PVT1: variants seen among roughly 807,000 people sequenced by gnomAD.
The protein encoded by PVT1 is CXCR4/PVT1 fusion.
At chr8:127,815,942 A>G (rs1586391260) in intron 2 of PVT1, among the ~76,000 whole-genome samples, 1 of 152,074 alleles carries the variant, frequency 6.6e-6, no homozygotes, top group South Asian at 2.1e-4. Context: ...TGGCCAACAT[A>G]GTGAAACCCC....
chr8:127,899,393 G>A (rs1006458815), intron 3 of PVT1, among the ~76,000 whole-genome samples: 5 of 152,208 alleles, frequency 3.3e-5, no homozygotes, highest in Non-Finnish European at 5.9e-5. Flanking sequence ...AAATTTGGAA[G>A]TCAGACTGAC....
intron 4 of PVT1, among the ~76,000 whole-genome samples, chr8:128,034,526 G>A (rs1169162727): frequency 6.6e-6 from 1 of 152,234 alleles, no homozygotes; most frequent in African/African-American, 2.4e-5. Flanking sequence ...ATTTGAAGGG[G>A]ATGACTGTGG....
intron 2 of PVT1, among the ~76,000 whole-genome samples, chr8:127,869,925 G>T (rs28674135): frequency 2.0e-5 from 3 of 151,958 alleles, no homozygotes; most frequent in Non-Finnish European, 4.4e-5. Context: ...TGCCTCAGCC[G>T]TCCGAGTAGC....
chr8:127,954,986 T>C (rs1816552132), intron 3 of PVT1, among the ~76,000 whole-genome samples: 2 of 152,262 alleles, frequency 1.3e-5, no homozygotes, highest in African/African-American at 4.8e-5. Context: ...CGCAATACAG[T>C]ACGCATATCA....
chr8:127,973,451 C>T (rs1468158303), intron 3 of PVT1, among the ~76,000 whole-genome samples: 1 of 152,046 alleles, frequency 6.6e-6, no homozygotes, highest in Non-Finnish European at 1.5e-5. Flanking sequence ...AATAACATGC[C>T]CAAAGGCACA....
intron 3 of PVT1, among the ~76,000 whole-genome samples, chr8:127,931,638 G>A (rs983871260): frequency 2.6e-5 from 4 of 152,244 alleles, no homozygotes; most frequent in African/African-American, 9.6e-5. Context: ...AATCTGGATG[G>A]GTGCTGGCAG....
At chr8:127,871,967 C>G (rs1328533326) in intron 2 of PVT1, among the ~76,000 whole-genome samples, 1 of 152,184 alleles carries the variant, frequency 6.6e-6, no homozygotes, top group Non-Finnish European at 1.5e-5. Context: ...TGATGGGCAC[C>G]TGTAATCCCA....
chr8:128,013,716 G>A (rs900704304), intron 4 of PVT1, among the ~76,000 whole-genome samples: 1 of 152,290 alleles, frequency 6.6e-6, no homozygotes, highest in African/African-American at 2.4e-5. Flanking sequence ...TGTGTCACCT[G>A]CATTCTTTCT....
chr8:127,887,526 A>G (rs1563630704), intron 2 of PVT1, among the ~76,000 whole-genome samples: 1 of 152,116 alleles, frequency 6.6e-6, no homozygotes, highest in Non-Finnish European at 1.5e-5. Context: ...TATTTATTTT[A>G]TTTTATTTTT....
intron 4 of PVT1, among the ~76,000 whole-genome samples, chr8:128,044,007 A>G (rs1333316810): frequency 4.6e-5 from 1 of 21,898 alleles, no homozygotes; most frequent in Non-Finnish European, 7.7e-5. Flanking sequence ...TTTTATTATT[A>G]TTTATTTATT....
chr8:128,098,388 G>A lies in PVT1; in HGVS notation n.1251+1734G>A, dbSNP rs78877018. Among the ~76,000 whole-genome samples, 1,084 of 152,170 alleles carry A rather than the reference G, an allele frequency of 7.1e-3. 27 individuals are homozygous for A. Among genetic ancestry groups the A allele is most frequent in the East Asian group, 0.071 (364 of 5,162 alleles). ...GGCAGAGGGGTGCAGGAGGGGGTGC[G>A]AATGGAAAGACAGCTGCCAAGGGGA... is the stretch of plus-strand genomic sequence containing the variant. On this transcript the variant is annotated intron_variant and non_coding_transcript_variant, in intron 6 of 10. Coordinates refer to ENST00000651587, the Ensembl canonical transcript of PVT1.
chr8:128,000,792 A>G (rs1817168357), intron 4 of PVT1, among the ~76,000 whole-genome samples: 1 of 152,168 alleles, frequency 6.6e-6, no homozygotes, highest in African/African-American at 2.4e-5. Context: ...TGCTACTATC[A>G]GAGATGACAG....
At chr8:127,895,203 G>C (rs1356817363) in intron 3 of PVT1, among the ~76,000 whole-genome samples, 3 of 152,186 alleles carry the variant, frequency 2.0e-5, no homozygotes, top group Non-Finnish European at 2.9e-5. Context: ...GAGCACAGTG[G>C]CTCACACATG....
chr8:127,942,747 C>A (rs898368601), intron 3 of PVT1, among the ~76,000 whole-genome samples: 8 of 152,202 alleles, frequency 5.3e-5, no homozygotes, highest in Non-Finnish European at 1.0e-4. Context: ...GCTTTATTTT[C>A]TTTCAGTGGG....
intron 2 of PVT1, among the ~76,000 whole-genome samples, chr8:127,826,134 A>G (rs759003505): frequency 6.7e-6 from 1 of 148,622 alleles, no homozygotes; most frequent in African/African-American, 2.5e-5. Flanking sequence ...TGCTGGGATT[A>G]TAGGCATGAG....
chr8:127,847,154 C>T (rs1280098067), intron 2 of PVT1, among the ~76,000 whole-genome samples: 1 of 151,798 alleles, frequency 6.6e-6, no homozygotes, highest in Non-Finnish European at 1.5e-5. Flanking sequence ...AGGCGCCCAC[C>T]ACCACACCTG....
intron 3 of PVT1, among the ~76,000 whole-genome samples, chr8:127,920,041 C>T (rs76382036): frequency 0.01 from 1,532 of 152,276 alleles, 25 homozygotes; most frequent in African/African-American, 0.035. Flanking sequence ...AACAGTGGTT[C>T]ATGTTCTAGC....
intron 2 of PVT1, among the ~76,000 whole-genome samples, chr8:127,855,832 G>A (rs1563622569): frequency 6.6e-6 from 1 of 152,304 alleles, no homozygotes; most frequent in Middle Eastern, 3.4e-3. Flanking sequence ...TCTGAGGAGC[G>A]GAGGCATGAA....
intron 2 of PVT1, among the ~76,000 whole-genome samples, chr8:127,854,949 T>C (rs918020921): frequency 5.3e-5 from 8 of 152,186 alleles, no homozygotes; most frequent in African/African-American, 1.9e-4. Flanking sequence ...GCTGTCCTTA[T>C]ACCCATTTCA....
Sources: gnomAD v4.1 joint callset for allele counts (sites outside exome capture counted in the v4.1 genomes callset) on GRCh38, gnomAD v4.1.1 for gene constraint, MANE v1.5 for transcripts, NCBI Gene and HGNC (gene_info 2026-07-23, HGNC 2026-07-21) for gene names.